Variants in EPHA4 observed in about 807,000 individuals in gnomAD.
EPHA4 encodes EPH receptor A4, also known as ephrin type-A receptor 4.
In EPHA4, 19 loss-of-function variants were observed where a neutral mutation model predicts 108.3. The observed-to-expected ratio is 0.18, with a 90% CI of 0.12 to 0.26. EPHA4 has a LOEUF of 0.26. Among genes scored for constraint, EPHA4 ranks in the 10% least tolerant of loss-of-function variants. EPHA4 has a pLI of 1.00. For missense variants in EPHA4, 917 were observed against 1,254.0 expected (o/e 0.73, Z 4.06); for synonymous variants, 449 against 455.5 (o/e 0.99, Z 0.18).
chr2:221,522,766 TATTATTA>T (rs1693206818), intron 3 of EPHA4, among the ~76,000 whole-genome samples: 1 of 91,716 alleles, frequency 1.1e-5, no homozygotes, highest in African/African-American at 4.7e-5. Context: ...TTATTATTAT[TATTATTA>T]TTTTTTTGAG....
chr2:221,530,855 A>G (rs1337329666), intron 3 of EPHA4, among the ~76,000 whole-genome samples: 1 of 152,054 alleles, frequency 6.6e-6, no homozygotes, highest in Non-Finnish European at 1.5e-5. Flanking sequence ...GTACTCCTCC[A>G]CTGTGCTGTG....
At chr2:221,533,184 A>G (rs749618765) in intron 3 of EPHA4, among the ~76,000 whole-genome samples, 7 of 152,226 alleles carry the variant, frequency 4.6e-5, no homozygotes, top group Admixed American at 6.5e-5. Context: ...ACATTGAACA[A>G]TGTACATGCA....
chr2:221,426,671 G>A, intron 15 of EPHA4, 52 bp from the exon 16 acceptor site: 1 of 1,519,910 alleles, frequency 6.6e-7, no homozygotes, highest in Non-Finnish European at 8.9e-7. Flanking sequence ...AGTGAGACAA[G>A]AAGACTCAGA....
intron 5 of EPHA4, among the ~76,000 whole-genome samples, chr2:221,481,025 C>G (rs1333849766): frequency 6.6e-6 from 1 of 152,122 alleles, no homozygotes; most frequent in Non-Finnish European, 1.5e-5. Flanking sequence ...ATCCCAAGAG[C>G]CTCACAAAGA....
In EPHA4 at chr2:221,499,676, G is replaced by A. The variant is rs185453566; in HGVS notation, c.979+1341C>T. On this transcript the variant is annotated intron_variant, in intron 4 of 17. Transcript: ENST00000281821. ...GCCAAAATACCATTTATAGTAGTTA[G>A]GAAACAAAATAATAATAGTCATAAT... is the stretch of plus-strand genomic sequence containing the variant. 9.5e-3 allele frequency among the ~76,000 whole-genome samples: 1,106 copies of A among 116,780 alleles called. 9 individuals are homozygous for A. The highest frequency in any genetic ancestry group is 0.025 in the Admixed American group (242 of 9,792). The allele number at this position is 116,780 out of a possible 152,430, so 76.6% of individuals were successfully genotyped here. A position where few individuals can be genotyped will look rare whatever the true frequency, so the allele number is the denominator to read the frequency against.
intron 7 of EPHA4, among the ~76,000 whole-genome samples, chr2:221,456,166 G>A (rs372942167): frequency 2.0e-5 from 3 of 147,142 alleles, no homozygotes; most frequent in Non-Finnish European, 3.0e-5. Context: ...TTGTCCAAAG[G>A]GTCTTTAAAA....
chr2:221,572,131 A>C (rs777873602), intron 1 of EPHA4, 27 bp downstream of exon 1: 2 of 1,601,404 alleles, frequency 1.2e-6, no homozygotes, highest in East Asian at 4.5e-5. Flanking sequence ...GCTGTCCCCG[A>C]CCACAGAAAG....
chr2:221,426,503 C>G lies in EPHA4; in HGVS notation c.2807G>C (p.Gly936Ala). Residue 936 changes from glycine to alanine, a missense_variant, in exon 16 of 18, where the codon GGT becomes GCT. By Grantham distance (60) the Gly-to-Ala change is moderately conservative. Around this residue, in one of 3 missense-constraint regions of EPHA4, gnomAD observed 133 missense variants for 132.8 expected, o/e 1.00. Transcript: ENST00000281821. ...CACCACAGCCTCTAGTGTGGTATAA[C>G]CAGCAGCTGTGAAGTTATCCTTATA... The part of the protein sequence containing the change: ...DRYKDNFTAA[G>A]YTTLEAVVHV... 6.2e-7 allele frequency: 1 copy of G among 1,613,830 alleles called. No individual in the cohort carries two copies.
chr2:221,469,037 C>G lies in EPHA4; in HGVS notation c.1319-11047G>C, dbSNP rs534519132. On this transcript the variant is annotated intron_variant, in intron 5 of 17. Coordinates refer to ENST00000281821, the MANE Select transcript of EPHA4 (RefSeq NM_004438.5). The stretch of plus-strand genomic sequence containing the variant: ...GCAAAACATTAATATACTAGTAATA[C>G]TAACGATCTCTTCCAACAGGGGCCA... Among the ~76,000 whole-genome samples, 3 of 152,336 alleles carry G rather than the reference C, an allele frequency of 2.0e-5. No homozygotes were observed. The South Asian group carries it at 6.2e-4, about 32-fold the overall frequency.
intron 3 of EPHA4, among the ~76,000 whole-genome samples, chr2:221,530,857 T>G (rs1693493639): frequency 6.6e-6 from 1 of 152,136 alleles, no homozygotes; most frequent in South Asian, 2.1e-4. Context: ...ACTCCTCCAC[T>G]GTGCTGTGGG....
chr2:221,532,488 G>T (rs1410491972), intron 3 of EPHA4, among the ~76,000 whole-genome samples: 1 of 152,222 alleles, frequency 6.6e-6, no homozygotes, highest in Non-Finnish European at 1.5e-5. Flanking sequence ...TAACATTCTA[G>T]TTCTGATTAC....
At chr2:221,442,461 G>A (rs575653756) in intron 11 of EPHA4, among the ~76,000 whole-genome samples, 1 of 151,970 alleles carries the variant, frequency 6.6e-6, no homozygotes, top group Non-Finnish European at 1.5e-5. Context: ...CCAGCACAAG[G>A]TGTGGCCAGG....
At chr2:221,553,268 A>G (rs762151634) in intron 3 of EPHA4, among the ~76,000 whole-genome samples, 13 of 152,240 alleles carry the variant, frequency 8.5e-5, no homozygotes, top group Non-Finnish European at 1.9e-4. Context: ...TTCTGGGGAT[A>G]GTTAGTTGCG....
At chr2:221,448,202 C>T (rs1450080778) in intron 8 of EPHA4, among the ~76,000 whole-genome samples, 11 of 150,272 alleles carry the variant, frequency 7.3e-5, no homozygotes, top group Admixed American at 7.3e-4. Flanking sequence ...GGCAGACACA[C>T]ATGCTCAGAT....
Position 221,476,093 on chromosome 2 carries a change from G to A in EPHA4, c.1318+6259C>T, listed in dbSNP as rs367818215. On this transcript the variant is annotated intron_variant, in intron 5 of 17. Transcript: ENST00000281821. ...AACTTAGCTGGATGTGGTGGCGCCC[G>A]CCTGTAATCCCAGCTACTCAGGAAG... Among the ~76,000 whole-genome samples, 15 of 152,262 alleles carry A rather than the reference G, an allele frequency of 9.9e-5. No homozygotes were observed. The East Asian group carries it at 1.2e-3, about 12-fold the overall frequency.
chr2:221,512,732 TG>T lies in EPHA4; in HGVS notation c.824-11561del, dbSNP rs1692865749. On this transcript the variant is annotated intron_variant, in intron 3 of 17. Coordinates refer to ENST00000281821, the MANE Select transcript of EPHA4 (RefSeq NM_004438.5). ...TAGAAATTTCATCCCTTATTAGGTA[TG>T]TGCATTTATTCATTCATTGGGCCAT... Among the ~76,000 whole-genome samples, 5 of 152,374 alleles carry T rather than the reference TG, an allele frequency of 3.3e-5. No individual in the cohort carries two copies. The South Asian group carries it at 8.3e-4, about 25-fold the overall frequency.
chr2:221,490,935 T>C (rs1692123674), intron 4 of EPHA4, among the ~76,000 whole-genome samples: 2 of 152,282 alleles, frequency 1.3e-5, no homozygotes, highest in East Asian at 1.9e-4. Context: ...ATCATGGTGG[T>C]TTATGTGTTT....
intron 3 of EPHA4, among the ~76,000 whole-genome samples, chr2:221,513,992 C>G (rs1043683019): frequency 2.0e-5 from 3 of 152,048 alleles, no homozygotes; most frequent in Non-Finnish European, 4.4e-5. Flanking sequence ...GCCCCAAAAG[C>G]TTGGGATAAC....
At chr2:221,480,802 A>C (rs1691795641) in intron 5 of EPHA4, among the ~76,000 whole-genome samples, 1 of 152,208 alleles carries the variant, frequency 6.6e-6, no homozygotes, top group South Asian at 2.1e-4. Flanking sequence ...CCAAGTCTTA[A>C]CTTTTTATTT....
Sources: gnomAD v4.1 joint callset for allele counts (sites outside exome capture counted in the v4.1 genomes callset) on GRCh38, gnomAD v4.1.1 for gene constraint, gnomAD v4.1.1 regional missense constraint, MANE v1.5 for transcripts, NCBI Gene and HGNC (gene_info 2026-07-23, HGNC 2026-07-21) for gene names.